The following TAOK3 variants were observed in gnomAD, a reference collection of about 807,000 sequenced individuals.
TAOK3 encodes the protein serine/threonine-protein kinase TAO3.
A neutral mutation model predicts 120.4 loss-of-function variants in TAOK3; 40 were observed. The ratio of observed to expected loss-of-function variants is 0.33; its 90% CI spans 0.26 to 0.43. The LOEUF (loss-of-function observed/expected upper bound fraction) is 0.43. Among genes scored for constraint, TAOK3 ranks in the 20% least tolerant of loss-of-function variants. The pLI is 1.00. For synonymous variants in TAOK3, 355 were observed against 387.5 expected (o/e 0.92, Z 0.99); for missense variants, 821 against 1,112.1 (o/e 0.74, Z 3.72).
At position 118,235,632 on chromosome 12, in the gene TAOK3, A is replaced by C. The variant is rs773446443; in HGVS notation, c.477T>G (p.Gly159=). Reference sequence around the variant, plus strand: ...ATCCAAAATCAGCTAGTTTTACCTGACCTGGCTCTGTTAGAAGAATATTTC... The same window carrying C: ...ATCCAAAATCAGCTAGTTTTACCTGCCCTGGCTCTGTTAGAAGAATATTTC... ...KAGNILLTEP[G]QVKLADFGSA... Residue 159 remains glycine (G), a synonymous_variant, in exon 8 of 21, where the codon GGT becomes GGG. Coordinates refer to ENST00000392533, the MANE Select transcript of TAOK3 (RefSeq NM_016281.4). 1.2e-6 allele frequency: 2 copies of C among 1,613,606 alleles called. No homozygotes were observed. Among genetic ancestry groups the C allele is most frequent in the Admixed American group, 3.3e-5 (2 of 59,942 alleles).
intron 9 of TAOK3, among the ~76,000 whole-genome samples, chr12:118,229,159 G>A (rs1199103284): frequency 6.6e-6 from 1 of 151,732 alleles, no homozygotes; most frequent in African/African-American, 2.4e-5. Flanking sequence ...GGAGTGCAGT[G>A]GCGCAATCTC....
At chr12:118,232,152 G>A (rs1025614869) in intron 9 of TAOK3, among the ~76,000 whole-genome samples, 15 of 152,162 alleles carry the variant, frequency 9.9e-5, no homozygotes, top group African/African-American at 3.4e-4. Flanking sequence ...AATTGGCAAA[G>A]CTACAAATCA....
rs74622505 is a variant in TAOK3, at chr12:118,161,695, T to C, written c.2139+93A>G. The C allele has an allele frequency of 5.3e-6, 8 of 1,514,330 alleles. No individual in the cohort carries two copies. The highest frequency in any genetic ancestry group is 1.4e-5 in the African/African-American group (1 of 72,572). The allele number at this position is 1,514,330 out of a possible 1,614,324, so 93.8% of individuals were successfully genotyped here. ...TACAATAGGTGTGGGGTGCAGAAAT[T>C]TGTGATTCTGAAAAGTTGCTCAGGT... is the stretch of plus-strand genomic sequence containing the variant. On this transcript the variant is annotated intron_variant, in intron 18 of 20. Coordinates refer to ENST00000392533, the MANE Select transcript of TAOK3 (RefSeq NM_016281.4). The surrounding 1 kb of genome is among the most constrained non-coding windows in gnomAD (Gnocchi z 4.5).
At chr12:118,325,049 G>A (rs2043881223) in intron 1 of TAOK3, among the ~76,000 whole-genome samples, 1 of 151,994 alleles carries the variant, frequency 6.6e-6, no homozygotes, top group Non-Finnish European at 1.5e-5. Context: ...CCCGGCCCTA[G>A]AATTTCATTC....
At chr12:118,222,970 A>G (rs895929674) in intron 9 of TAOK3, among the ~76,000 whole-genome samples, 1 of 152,092 alleles carries the variant, frequency 6.6e-6, no homozygotes. Context: ...CAGAGTGTCT[A>G]CTGGGCTTAA....
chr12:118,244,995 A>C, intron 3 of TAOK3, 30 bp from the exon 4 acceptor site: 1 of 1,476,254 alleles, frequency 6.8e-7, no homozygotes, highest in Non-Finnish European at 9.4e-7. Flanking sequence ...GAAAAAGAAA[A>C]AGAATTAGTG....
intron 1 of TAOK3, among the ~76,000 whole-genome samples, chr12:118,285,896 G>T (rs76647882): frequency 0.04 from 6,139 of 152,238 alleles, 150 homozygotes; most frequent in East Asian, 0.063. Context: ...GGCCTGGAAA[G>T]GTGGGACAAC....
intron 1 of TAOK3, among the ~76,000 whole-genome samples, chr12:118,332,176 G>T (rs1230143863): frequency 6.6e-6 from 1 of 152,116 alleles, no homozygotes; most frequent in Non-Finnish European, 1.5e-5. Context: ...AGAAAATTAG[G>T]AAGTATTTCT....
intron 3 of TAOK3, among the ~76,000 whole-genome samples, chr12:118,250,704 C>T (rs1415886314): frequency 6.6e-6 from 1 of 152,018 alleles, no homozygotes; most frequent in East Asian, 1.9e-4. Flanking sequence ...GGAGGATAGA[C>T]AATAACAAAA....
At chr12:118,207,710 C>G (rs1593160576) in intron 11 of TAOK3, among the ~76,000 whole-genome samples, 1 of 152,060 alleles carries the variant, frequency 6.6e-6, no homozygotes, top group Non-Finnish European at 1.5e-5. Context: ...GAAAAACTAG[C>G]CAGACATGGT....
chr12:118,205,286 G>T (rs2038238435), intron 11 of TAOK3, among the ~76,000 whole-genome samples: 1 of 151,786 alleles, frequency 6.6e-6, no homozygotes, highest in Admixed American at 6.6e-5. Context: ...AGAATCAATT[G>T]AGTCTGGGAG....
chr12:118,218,082 G>A (rs559840323), intron 9 of TAOK3, among the ~76,000 whole-genome samples: 2 of 150,822 alleles, frequency 1.3e-5, no homozygotes, highest in African/African-American at 2.4e-5. Context: ...GGATGGTCTC[G>A]ATTTCCTGAC....
intron 1 of TAOK3, among the ~76,000 whole-genome samples, chr12:118,302,063 G>A (rs992187060): frequency 6.6e-6 from 1 of 152,054 alleles, no homozygotes; most frequent in Admixed American, 6.6e-5. Context: ...GTATGGTGGG[G>A]TTTTTGATCT....
At chr12:118,252,054 C>T (rs2040778482) in intron 3 of TAOK3, among the ~76,000 whole-genome samples, 2 of 152,082 alleles carry the variant, frequency 1.3e-5, no homozygotes, top group South Asian at 4.1e-4. Flanking sequence ...ATCTCCTGAC[C>T]TCGTGATCCA....
chr12:118,189,743 C>A (rs2037319275), intron 14 of TAOK3, 64 bp downstream of exon 14: 2 of 1,599,002 alleles, frequency 1.3e-6, no homozygotes, highest in South Asian at 2.2e-5. Flanking sequence ...TCAGGGAGGG[C>A]GAGAGGCTGC....
At chr12:118,251,916 G>A (rs913616410) in intron 3 of TAOK3, among the ~76,000 whole-genome samples, 5 of 151,842 alleles carry the variant, frequency 3.3e-5, no homozygotes, top group African/African-American at 1.2e-4. Context: ...CCACCTCCCG[G>A]GTTCATGCCA....
At chr12:118,293,766 C>T (rs1194705525) in intron 1 of TAOK3, among the ~76,000 whole-genome samples, 1 of 151,928 alleles carries the variant, frequency 6.6e-6, no homozygotes, top group African/African-American at 2.4e-5. Context: ...GTAATCCCAG[C>T]ACTTTGGGAG....
intron 1 of TAOK3, among the ~76,000 whole-genome samples, chr12:118,287,589 G>A (rs529988571): frequency 1.3e-5 from 2 of 152,268 alleles, no homozygotes; most frequent in African/African-American, 2.4e-5. Context: ...AGCTCTGAGT[G>A]GCTCTGTGGT....
chr12:118,205,146 G>A (rs2038229961), intron 11 of TAOK3, among the ~76,000 whole-genome samples: 1 of 151,964 alleles, frequency 6.6e-6, no homozygotes. Context: ...CTCCAGCCTA[G>A]GTGATAGAGT....
Sources: gnomAD v4.1 joint callset for allele counts (sites outside exome capture counted in the v4.1 genomes callset) on GRCh38, gnomAD v4.1.1 for gene constraint, Gnocchi (gnomAD v3.1) non-coding constraint, MANE v1.5 for transcripts, NCBI Gene and HGNC (gene_info 2026-07-23, HGNC 2026-07-21) for gene names.